The following CDC42BPB variants were observed in gnomAD, a reference collection of about 807,000 sequenced individuals.
The protein encoded by CDC42BPB is serine/threonine-protein kinase MRCK beta.
In CDC42BPB, 37 loss-of-function variants were observed where a neutral mutation model predicts 214.9. That is an observed-to-expected ratio of 0.17 (90% CI 0.13 to 0.23). The LOEUF is 0.23. Ranked by LOEUF, CDC42BPB falls within the 10% of genes least tolerant of loss-of-function variation. The probability of loss-of-function intolerance (pLI) is 1.00; values close to 1 mark genes in which losing one functional copy is unlikely to be tolerated. For synonymous variants in CDC42BPB, 931 were observed against 884.0 expected, an observed-to-expected ratio of 1.05 and a Z score of -0.94; for missense variants, 1,694 against 2,227.0, an observed-to-expected ratio of 0.76 and a Z score of 4.82.
In CDC42BPB at chr14:102,991,785, T is replaced by C. The variant is rs536477578; in HGVS notation, c.597-5205A>G. 3.9e-5 allele frequency among the ~76,000 whole-genome samples: 6 copies of C among 152,296 alleles called. No homozygotes were observed. The South Asian group carries it at 1.0e-3, about 26-fold the overall frequency. On this transcript the variant is annotated intron_variant, in intron 5 of 36. Transcript: ENST00000361246. ...TGTATAAGACTGAAATTTTTTAAGT[T>C]TGAAATTATTTGAAACATTATTTAA...
At chr14:102,971,328 ATTTTG>A (rs746986577) in intron 13 of CDC42BPB, among the ~76,000 whole-genome samples, 2 of 152,204 alleles carry the variant, frequency 1.3e-5, no homozygotes, top group Non-Finnish European at 2.9e-5. Context: ...TATTAACAAG[ATTTTG>A]TTTTAATTTC....
intron 27 of CDC42BPB, among the ~76,000 whole-genome samples, chr14:102,947,315 T>G (rs1235860383): frequency 6.6e-6 from 1 of 152,010 alleles, no homozygotes; most frequent in Non-Finnish European, 1.5e-5. Context: ...ACTAACTCAG[T>G]GAGGGAGCAC....
At chr14:103,031,151 G>T (rs1409949152) in intron 1 of CDC42BPB, among the ~76,000 whole-genome samples, 1 of 151,792 alleles carries the variant, frequency 6.6e-6, no homozygotes, top group Non-Finnish European at 1.5e-5. Context: ...TGAAGGAAAT[G>T]AAATAAAAAA....
chr14:103,017,023 T>C (rs1304503526), intron 1 of CDC42BPB, among the ~76,000 whole-genome samples: 1 of 152,096 alleles, frequency 6.6e-6, no homozygotes, highest in South Asian at 2.1e-4. Flanking sequence ...CAGATCATAA[T>C]CTATTCAATA....
intron 2 of CDC42BPB, among the ~76,000 whole-genome samples, chr14:103,009,806 G>C (rs1219086340): frequency 3.3e-5 from 5 of 152,180 alleles, no homozygotes; most frequent in Admixed American, 3.3e-4. Context: ...CTTGGTAGCA[G>C]ACAGACAGGC....
chr14:103,054,350 C>T lies in CDC42BPB; in HGVS notation c.175+2649G>A, dbSNP rs555815175. Among the ~76,000 whole-genome samples, 85 of 152,278 alleles carry T rather than the reference C, an allele frequency of 5.6e-4. No homozygotes were observed. In the South Asian group the frequency reaches 0.017, roughly 30 times the overall value. ...AAGTGGGGAAAGGTTGGCTTTTCCACGTGACAGGAATCGACATATCAGAGG... is the reference window on the plus strand; with the variant it reads ...AAGTGGGGAAAGGTTGGCTTTTCCATGTGACAGGAATCGACATATCAGAGG... On this transcript the variant is annotated intron_variant, in intron 1 of 36. Transcript: ENST00000361246.
intron 5 of CDC42BPB, among the ~76,000 whole-genome samples, chr14:102,994,176 G>A (rs1400615008): frequency 6.6e-6 from 1 of 152,100 alleles, no homozygotes. Context: ...CTGGTTGCCA[G>A]GAATTCCCTA....
rs765072170 is a variant in CDC42BPB, at chr14:102,950,563, G to A, written c.3212C>T (p.Ala1071Val). The change falls in exon 25 of 37, where the codon GCC (alanine) becomes GTC (valine). Residue 1071 changes from alanine (A) to valine (V), a missense_variant. Physicochemically the swap from Ala to Val is moderately conservative, Grantham distance 64. Transcript: ENST00000361246. Reference sequence around the variant, plus strand: ...GGGAGGTATTGGGCACACCTGGGGGGCACCGTCTTTGCAGGACACGTGGCA... The same window carrying A: ...GGGAGGTATTGGGCACACCTGGGGGACACCGTCTTTGCAGGACACGTGGCA... ...FACHVSCKDGAPQVCPIPPEQ... is the reference protein window; with the variant it reads ...FACHVSCKDGVPQVCPIPPEQ... The A allele has an allele frequency of 2.5e-6, 4 of 1,606,940 alleles. No homozygotes were observed. Among genetic ancestry groups the A allele is most frequent in the South Asian group, 1.1e-5 (1 of 90,346 alleles).
chr14:102,984,456 C>T (rs1202352226), intron 6 of CDC42BPB, among the ~76,000 whole-genome samples: 3 of 152,106 alleles, frequency 2.0e-5, no homozygotes, highest in African/African-American at 2.4e-5. Context: ...AGGCATTAGC[C>T]GGGTGCTCAG....
At chr14:102,999,758 C>A (rs1461568466) in intron 4 of CDC42BPB, 45 bp from the exon 5 acceptor site, 1 of 1,608,458 alleles carries the variant, frequency 6.2e-7, no homozygotes, top group Non-Finnish European at 8.5e-7. Context: ...CATTTAGTCA[C>A]CACTAAACCT....
At chr14:103,027,674 T>C (rs903721718) in intron 1 of CDC42BPB, among the ~76,000 whole-genome samples, 3 of 152,130 alleles carry the variant, frequency 2.0e-5, no homozygotes, top group African/African-American at 7.2e-5. Context: ...GGCAAATCCA[T>C]AGAGACAAAA....
rs540021056 is a variant in CDC42BPB, at chr14:102,941,848, G to T, written c.4409-1524C>A. On this transcript the variant is annotated intron_variant, in intron 30 of 36. Coordinates refer to ENST00000361246, the MANE Select transcript of CDC42BPB (RefSeq NM_006035.4). ...AGGGGCAGGGGAGGCCACCCACACA[G>T]GGCACTAGCAAAGGGTGCAGAATGA... 2.1e-4 allele frequency among the ~76,000 whole-genome samples: 32 copies of T among 152,298 alleles called. No homozygotes were observed. The South Asian group carries it at 6.0e-3, about 29-fold the overall frequency.
intron 7 of CDC42BPB, among the ~76,000 whole-genome samples, 170 bp downstream of exon 7, chr14:102,983,386 C>T (rs760810939): frequency 9.2e-5 from 14 of 152,090 alleles, no homozygotes; most frequent in Non-Finnish European, 1.8e-4. Flanking sequence ...CTCTGGATGC[C>T]CTCTCCAATG....
chr14:103,022,333 T>G (rs1595157730), intron 1 of CDC42BPB, among the ~76,000 whole-genome samples: 1 of 151,588 alleles, frequency 6.6e-6, no homozygotes, highest in African/African-American at 2.4e-5. Flanking sequence ...AGAGGTGGGG[T>G]GGAGACAGAA....
Position 102,974,086 on chromosome 14 carries a change from G to C in CDC42BPB, c.1571C>G (p.Ser524Cys). ...CTCCAGCCCCCGCAGCCGCTGCGTG[G>C]AGTCCTCACGCTCTTGGCGAAGCGC... ...TVALRQEREDSTQRLRGLEKQ... is the reference protein window; with the variant it reads ...TVALRQEREDCTQRLRGLEKQ... Residue 524 changes from serine to cysteine, a missense_variant, in exon 12 of 37, where the codon TCC (serine) becomes TGC (cysteine). Physicochemically the swap from Ser to Cys is moderately radical, Grantham distance 112. This residue lies in a region of CDC42BPB where 462 missense variants were observed against 513.5 expected (regional missense o/e 0.90). Transcript: ENST00000361246. 1 of 1,614,052 alleles carries C rather than the reference G, an allele frequency of 6.2e-7. No individual in the cohort carries two copies. The highest frequency in any genetic ancestry group is 1.1e-5 in the South Asian group (1 of 91,056).
At chr14:102,940,842 A>T (rs1188081570) in intron 30 of CDC42BPB, 1 of 175,954 alleles carries the variant, frequency 5.7e-6, no homozygotes, top group Non-Finnish European at 1.2e-5. Flanking sequence ...ACCCCTAGGA[A>T]CCCGTGCTAT....
intron 25 of CDC42BPB, chr14:102,950,107 GC>G (rs1892417021): frequency 1.0e-6 from 1 of 985,196 alleles, no homozygotes; most frequent in African/African-American, 1.7e-5. Context: ...AAAGCTGGCA[GC>G]TCAGCCAACG....
intron 29 of CDC42BPB, chr14:102,945,309 C>T: frequency 4.3e-6 from 2 of 467,880 alleles, no homozygotes; most frequent in South Asian, 3.1e-5. Context: ...TACCTTTGCC[C>T]TTCCTCGCTG....
At chr14:102,990,065 G>A (rs887878826) in intron 5 of CDC42BPB, among the ~76,000 whole-genome samples, 10 of 152,158 alleles carry the variant, frequency 6.6e-5, no homozygotes, top group African/African-American at 2.2e-4. Context: ...TAAAGAAGGG[G>A]CGACGCTTCT....
Sources: allele counts gnomAD v4.1 joint callset (sites outside exome capture counted in the v4.1 genomes callset), GRCh38; gene constraint gnomAD v4.1.1; regional missense constraint gnomAD v4.1.1; transcripts MANE v1.5; gene names NCBI Gene and HGNC (gene_info 2026-07-23, HGNC 2026-07-21).